Variants in NTRK1 observed in about 807,000 individuals in gnomAD.
NTRK1 encodes the protein neurotrophic receptor tyrosine kinase 1.
NTRK1 carries 62 observed loss-of-function variants against 86.8 expected under a neutral mutation model. The observed-to-expected ratio is 0.71, with a 90% CI of 0.58 to 0.88. NTRK1 has a LOEUF of 0.88. Among genes scored for constraint, NTRK1 ranks in the 40% least tolerant of loss-of-function variants. The probability of loss-of-function intolerance (pLI) is 0.00; values close to 1 mark genes in which losing one functional copy is unlikely to be tolerated. For synonymous variants in NTRK1, 469 were observed against 456.6 expected, an observed-to-expected ratio of 1.03 and a Z score of -0.35; for missense variants, 967 against 1,078.4, an observed-to-expected ratio of 0.90 and a Z score of 1.45.
chr1:156,873,932 G>C lies in NTRK1; in HGVS notation c.1150G>C (p.Glu384Gln), dbSNP rs1647731046. 1 of 1,557,138 alleles carries C rather than the reference G, an allele frequency of 6.4e-7. No individual in the cohort carries two copies. The highest frequency in any genetic ancestry group is 8.7e-7 in the Non-Finnish European group (1 of 1,150,008). ...IMAAFMDNPFEFNPEDPIPVS... is the reference protein window; with the variant it reads ...IMAAFMDNPFQFNPEDPIPVS... ...GGCTGCCTTCATGGACAACCCTTTC[G>C]AGTTCAACCCCGAGGACCCCATCCC... The change falls in exon 8 of 17, where the codon GAG becomes CAG. Residue 384 changes from glutamate (E) to glutamine (Q), a missense_variant. Around this residue, in one of 2 missense-constraint regions of NTRK1, gnomAD observed 637 missense variants for 776.5 expected, o/e 0.82. Transcript: ENST00000524377.
chr1:156,824,593 G>T (rs1654273614), intron 1 of NTRK1, among the ~76,000 whole-genome samples: 1 of 152,176 alleles, frequency 6.6e-6, no homozygotes, highest in Non-Finnish European at 1.5e-5. Flanking sequence ...GCCATCTCAG[G>T]CTGAATGGTC....
intron 2 of NTRK1, chr1:156,842,879 G>A (rs1295993058): frequency 9.3e-6 from 7 of 755,966 alleles, no homozygotes; most frequent in Non-Finnish European, 1.5e-5. Flanking sequence ...ACCCCAATTA[G>A]GATCCTAACC....
At chr1:156,816,471 C>G (rs1249281388) in intron 1 of NTRK1, among the ~76,000 whole-genome samples, 1 of 152,236 alleles carries the variant, frequency 6.6e-6, no homozygotes, top group African/African-American at 2.4e-5. Flanking sequence ...AAGCCCTCAA[C>G]AAACCCTGTC....
chr1:156,864,459 C>T (rs1655830508), intron 2 of NTRK1, 31 bp downstream of exon 2: 3 of 1,604,058 alleles, frequency 1.9e-6, no homozygotes, highest in Non-Finnish European at 2.6e-6. Context: ...GGGTGTGGAG[C>T]TCAGCATGGG....
In NTRK1 at chr1:156,875,589, C is replaced by G. The variant is rs756402401; in HGVS notation, c.1424C>G (p.Ser475Cys). 3.7e-6 allele frequency: 6 copies of G among 1,613,776 alleles called. No individual in the cohort carries two copies. Among genetic ancestry groups the G allele is most frequent in the Non-Finnish European group, 4.2e-6 (5 of 1,179,974 alleles). Residue 475 changes from serine to cysteine, a missense_variant, in exon 12 of 17, where the codon TCC (serine) becomes TGC (cysteine). By Grantham distance (112) the Ser-to-Cys change is moderately radical. Transcript: ENST00000524377. ...CATTTCATGACATTGGGTGGCAGCT[C>G]CCTGTCCCCCACCGAGGGCAAAGGC... ...SLHFMTLGGS[S>C]LSPTEGKGSG...
At chr1:156,846,473 A>AT (rs779397294) in intron 2 of NTRK1, 1 of 1,475,720 alleles carries the variant, frequency 6.8e-7, no homozygotes, top group South Asian at 1.1e-5. Flanking sequence ...CCCTGTTCTC[A>AT]TGGATGCAGG....
chr1:156,829,661 C>CT (rs963398604), intron 1 of NTRK1, among the ~76,000 whole-genome samples: 14 of 151,296 alleles, frequency 9.3e-5, no homozygotes, highest in African/African-American at 2.4e-4. Context: ...TTTCTTTTTT[C>CT]TTTTTTTTTG....
At chr1:156,841,167 T>C in intron 1 of NTRK1, 1 of 1,286,420 alleles carries the variant, frequency 7.8e-7, no homozygotes, top group Admixed American at 2.0e-5. Context: ...CTCAGCCTCC[T>C]GCACTGAGGG....
chr1:156,849,502 GC>G, intron 2 of NTRK1: 1 of 934,040 alleles, frequency 1.1e-6, no homozygotes, highest in Non-Finnish European at 1.7e-6. Context: ...GGAGGTGGGG[GC>G]AGGGGGTGGG....
intron 1 of NTRK1, among the ~76,000 whole-genome samples, chr1:156,833,006 G>A (rs1167162101): frequency 2.0e-5 from 3 of 152,220 alleles, no homozygotes; most frequent in Non-Finnish European, 1.5e-5. Context: ...TTTTGGTGCT[G>A]GGGCCATACA....
At position 156,866,773 on chromosome 1, in the gene NTRK1, G is replaced by A. The variant is rs546788923; in HGVS notation, c.360-137G>A. ...ACCATCTACACACACTGCCTTCCAG[G>A]GCTGGTTCTGGTTGCCTAGGCCGGG... is the stretch of plus-strand genomic sequence containing the variant. On this transcript the variant is annotated intron_variant, in intron 3 of 16. Transcript: ENST00000524377. 60 of 863,286 alleles carry A rather than the reference G, an allele frequency of 7.0e-5. 2 individuals are homozygous for A. The South Asian group carries it at 7.8e-4, about 11-fold the overall frequency. 53.5% of individuals were successfully genotyped at this position (863,286 alleles called of 1,614,324 possible).
At chr1:156,875,358 A>G (rs1285002072) in intron 11 of NTRK1, among the ~76,000 whole-genome samples, 162 bp from the exon 12 acceptor site, 1 of 151,618 alleles carries the variant, frequency 6.6e-6, no homozygotes, top group Non-Finnish European at 1.5e-5. Context: ...GCACAGGGAG[A>G]GGCGGTGGTG....
intron 1 of NTRK1, among the ~76,000 whole-genome samples, chr1:156,822,543 C>A (rs1654215573): frequency 7.4e-6 from 1 of 134,466 alleles, no homozygotes; most frequent in Non-Finnish European, 1.5e-5. Context: ...GTCTGGATGA[C>A]AGAGCAAGAG....
intron 7 of NTRK1, among the ~76,000 whole-genome samples, 173 bp downstream of exon 7, chr1:156,871,928 G>T (rs990124159): frequency 1.3e-5 from 2 of 152,138 alleles, no homozygotes; most frequent in African/African-American, 4.8e-5. Flanking sequence ...GAAGTCCTGG[G>T]GTCTTGTCAA....
chr1:156,846,512 T>C, intron 2 of NTRK1: 1 of 1,608,876 alleles, frequency 6.2e-7, no homozygotes, highest in Non-Finnish European at 8.5e-7. Flanking sequence ...ACCCTCCAAA[T>C]GCCTACCTGC....
intron 7 of NTRK1, 142 bp from the exon 8 acceptor site, chr1:156,873,491 C>T: frequency 1.5e-6 from 1 of 676,948 alleles, no homozygotes; most frequent in Non-Finnish European, 2.6e-6. Flanking sequence ...TGGTGAATTT[C>T]CCAGGGCCTG....
At chr1:156,846,083 T>C (rs776189089) in intron 2 of NTRK1, 4 of 1,609,896 alleles carry the variant, frequency 2.5e-6, no homozygotes, top group South Asian at 2.2e-5. Flanking sequence ...GGAGGAGGAG[T>C]TGGACGTGGA....
In NTRK1 at chr1:156,868,592, G is replaced by A. The variant is rs369478563; in HGVS notation, c.662G>A (p.Gly221Asp). ...CTGCGGTGCCAGGTGGAGGGGCGGGGCCTGGAGCAGGCCGGCTGGATCCTC... is the reference window on the plus strand; with the variant it reads ...CTGCGGTGCCAGGTGGAGGGGCGGGACCTGGAGCAGGCCGGCTGGATCCTC... ...VLLRCQVEGR[G>D]LEQAGWILTE... The change falls in exon 6 of 17, where the codon GGC becomes GAC. Residue 221 changes from glycine to aspartate, a missense_variant. This residue lies in a region of NTRK1 where 330 missense variants were observed against 302.0 expected (regional missense o/e 1.09). Transcript: ENST00000524377. 8.4e-6 allele frequency: 13 copies of A among 1,551,642 alleles called. No individual in the cohort carries two copies. Among genetic ancestry groups the A allele is most frequent in the Admixed American group, 7.8e-5 (4 of 51,102 alleles).
rs200860423 is a variant in NTRK1, at chr1:156,864,723, C to T, written c.288-5C>T. The stretch of plus-strand genomic sequence containing the variant: ...GGGGACTGATCCTCCTGCACCCCTC[C>T]CCAGCACCATCGTGAAGAGTGGTCT... On this transcript the variant is annotated splice_region_variant and splice_polypyrimidine_tract_variant and intron_variant, in intron 2 of 16. Transcript: ENST00000524377. 187 of 1,613,854 alleles carry T rather than the reference C, an allele frequency of 1.2e-4. No homozygotes were observed. The highest frequency in any genetic ancestry group is 1.5e-4 in the Non-Finnish European group (179 of 1,179,958).
Sources: gnomAD v4.1 joint callset for allele counts (sites outside exome capture counted in the v4.1 genomes callset) on GRCh38, gnomAD v4.1.1 for gene constraint, gnomAD v4.1.1 regional missense constraint, MANE v1.5 for transcripts, NCBI Gene and HGNC (gene_info 2026-07-23, HGNC 2026-07-21) for gene names.